AQR: variants seen among roughly 807,000 people sequenced by gnomAD.
AQR encodes aquarius intron-binding spliceosomal factor.
AQR carries 61 observed loss-of-function variants against 180.5 expected under a neutral mutation model. The ratio of observed to expected loss-of-function variants is 0.34; its 90% CI spans 0.28 to 0.42. The LOEUF is 0.42. Among genes scored for constraint, AQR ranks in the 10% least tolerant of loss-of-function variants. The pLI is 1.00. For missense variants in AQR, 1,281 were observed against 1,798.3 expected, an observed-to-expected ratio of 0.71 and a Z score of 5.20; for synonymous variants, 551 against 588.8, an observed-to-expected ratio of 0.94 and a Z score of 0.93.
chr15:34,926,383 G>A (rs1041239572), intron 13 of AQR, among the ~76,000 whole-genome samples: 3 of 152,134 alleles, frequency 2.0e-5, no homozygotes, highest in Non-Finnish European at 4.4e-5. Context: ...AGATGATACA[G>A]TATAGTAGTT....
chr15:34,866,110 T>C (rs1038545574), intron 32 of AQR, among the ~76,000 whole-genome samples: 1 of 152,182 alleles, frequency 6.6e-6, no homozygotes, highest in Admixed American at 6.6e-5. Context: ...GTTTCCTTGG[T>C]ATCCTGAAAC....
chr15:34,926,900 G>A (rs1893773035), intron 13 of AQR, 135 bp downstream of exon 13: 1 of 443,818 alleles, frequency 2.3e-6, no homozygotes, highest in Non-Finnish European at 3.9e-6. Context: ...AGCACTAGTT[G>A]TAGACGTCAA....
chr15:34,919,651 C>T (rs1893653269), intron 14 of AQR, among the ~76,000 whole-genome samples: 1 of 152,102 alleles, frequency 6.6e-6, no homozygotes, highest in Non-Finnish European at 1.5e-5. Flanking sequence ...TAACCCAACA[C>T]TTTGGGAGGC....
intron 14 of AQR, among the ~76,000 whole-genome samples, chr15:34,919,922 C>A (rs56029277): frequency 0.041 from 6,137 of 151,272 alleles, 443 homozygotes; most frequent in African/African-American, 0.14. Flanking sequence ...AACAAACAAA[C>A]AAAAAAACAA....
chr15:34,906,357 T>C (rs1462543003), intron 18 of AQR, among the ~76,000 whole-genome samples, 188 bp downstream of exon 18: 2 of 152,080 alleles, frequency 1.3e-5, no homozygotes, highest in Non-Finnish European at 2.9e-5. Context: ...TGTGACACAG[T>C]GAGAAACCAT....
Position 34,854,447 on chromosome 15 carries a change from G to A in AQR, c.*2345C>T, listed in dbSNP as rs1245528074. The stretch of plus-strand genomic sequence containing the variant: ...AAAAAATAAACAAAGCAGTGCCGTA[G>A]AACTGTAGACTTGGATTCTACCCCC... On this transcript the variant is annotated 3_prime_UTR_variant, in exon 35 of 35. Transcript: ENST00000156471. The A allele has an allele frequency of 6.6e-6, 1 of 152,150 alleles. No individual in the cohort carries two copies. Among genetic ancestry groups the A allele is most frequent in the Non-Finnish European group, 1.5e-5 (1 of 68,024 alleles). 9.4% of individuals were successfully genotyped at this position (152,150 alleles called of 1,614,324 possible).
chr15:34,920,978 T>C (rs1159695475), intron 13 of AQR, among the ~76,000 whole-genome samples: 2 of 151,832 alleles, frequency 1.3e-5, no homozygotes, highest in Admixed American at 1.3e-4. Flanking sequence ...ACAATAATAA[T>C]AACAATACTA....
At chr15:34,923,244 G>C (rs1052407187) in intron 13 of AQR, among the ~76,000 whole-genome samples, 12 of 152,108 alleles carry the variant, frequency 7.9e-5, no homozygotes, top group African/African-American at 2.9e-4. Flanking sequence ...ATAGGGTTCA[G>C]TACAATCTAC....
chr15:34,912,395 T>C (rs529534443), intron 16 of AQR, among the ~76,000 whole-genome samples: 4 of 152,160 alleles, frequency 2.6e-5, no homozygotes, highest in Non-Finnish European at 4.4e-5. Context: ...TTCTCTTTCA[T>C]TTCTGAAGGA....
At position 34,929,898 on chromosome 15, in the gene AQR, T is replaced by C. The variant is rs1370356867; in HGVS notation, c.1014+360A>G. Among the ~76,000 whole-genome samples the C allele has an allele frequency of 2.6e-5, 4 of 152,186 alleles. No individual in the cohort carries two copies. In the East Asian group the frequency reaches 7.7e-4, roughly 29 times the overall value. On this transcript the variant is annotated intron_variant, in intron 12 of 34. Coordinates refer to ENST00000156471, the MANE Select transcript of AQR (RefSeq NM_014691.3). ...TCTGAATTACATTGGTAAATTTCAG[T>C]CCCATCATATGTGTTCATCTTAAAA...
At position 34,867,504 on chromosome 15, in the gene AQR, G is replaced by A. The variant is rs1310695642; in HGVS notation, c.3854+20C>T. ...GATAGTAAAGTTCAATAAATATTATGAAAGTTTTTTCCTACGTACCTCAGA... is the reference window on the plus strand; with the variant it reads ...GATAGTAAAGTTCAATAAATATTATAAAAGTTTTTTCCTACGTACCTCAGA... On this transcript the variant is annotated intron_variant, in intron 32 of 34. Transcript: ENST00000156471. 3.8e-6 allele frequency: 6 copies of A among 1,592,962 alleles called. No homozygotes were observed. Among genetic ancestry groups the A allele is most frequent in the Non-Finnish European group, 5.2e-6 (6 of 1,161,558 alleles).
chr15:34,859,716 G>C (rs765152426), intron 34 of AQR, among the ~76,000 whole-genome samples: 1 of 152,172 alleles, frequency 6.6e-6, no homozygotes. Context: ...GACTGGTGAA[G>C]GGCAAGGAGG....
At chr15:34,872,975 C>T (rs545595701) in intron 30 of AQR, among the ~76,000 whole-genome samples, 11 of 152,114 alleles carry the variant, frequency 7.2e-5, no homozygotes, top group African/African-American at 2.6e-4. Flanking sequence ...TGTATTGCAG[C>T]TCCTTTTTAA....
At chr15:34,917,985 A>G (rs1893622265) in intron 15 of AQR, among the ~76,000 whole-genome samples, 1 of 151,878 alleles carries the variant, frequency 6.6e-6, no homozygotes, top group Admixed American at 6.6e-5. Context: ...CCTGTCTCAC[A>G]CTAACAAACA....
At chr15:34,914,308 A>T (rs1420834363) in intron 16 of AQR, among the ~76,000 whole-genome samples, 1 of 152,222 alleles carries the variant, frequency 6.6e-6, no homozygotes, top group African/African-American at 2.4e-5. Flanking sequence ...CTATAAAACC[A>T]AATTAACCTT....
chr15:34,929,376 A>C (rs1024761618), intron 12 of AQR, among the ~76,000 whole-genome samples: 16 of 152,186 alleles, frequency 1.1e-4, no homozygotes, highest in Admixed American at 7.2e-4. Context: ...ATAAGCTGTA[A>C]GGAAGGGGTC....
At chr15:34,936,904 G>A (rs2140494846) in intron 9 of AQR, among the ~76,000 whole-genome samples, 1 of 152,190 alleles carries the variant, frequency 6.6e-6, no homozygotes, top group Admixed American at 6.5e-5. Context: ...GACGTTAGTA[G>A]CTCAAAGCGC....
At chr15:34,969,050 A>AATTACTC (rs1344770778) in intron 1 of AQR, among the ~76,000 whole-genome samples, 16 of 152,280 alleles carry the variant, frequency 1.1e-4, no homozygotes, top group African/African-American at 3.9e-4. Context: ...CAAACTACAG[A>AATTACTC]ATTACTCTGT....
intron 26 of AQR, among the ~76,000 whole-genome samples, chr15:34,883,992 C>A (rs1216683736): frequency 6.6e-6 from 1 of 152,144 alleles, no homozygotes; most frequent in Non-Finnish European, 1.5e-5. Flanking sequence ...GTTCAAAGAA[C>A]CATTATTGAA....
Sources: allele counts gnomAD v4.1 joint callset (sites outside exome capture counted in the v4.1 genomes callset), GRCh38; gene constraint gnomAD v4.1.1; transcripts MANE v1.5; gene names NCBI Gene and HGNC (gene_info 2026-07-23, HGNC 2026-07-21).